SH3RF3: variants seen among roughly 807,000 people sequenced by gnomAD.
SH3RF3 encodes SH3 domain containing ring finger 3, also known as E3 ubiquitin-protein ligase SH3RF3.
Under a neutral mutation model 66.3 loss-of-function variants are expected in SH3RF3, and 29 were observed. That is an observed-to-expected ratio of 0.44 (90% CI 0.33 to 0.60). The LOEUF (loss-of-function observed/expected upper bound fraction) is 0.60. SH3RF3 is among the 20% of genes least tolerant of loss of function. The pLI is 0.04. For missense variants in SH3RF3, 1,194 were observed against 1,190.9 expected, an observed-to-expected ratio of 1.00 and a Z score of -0.04; for synonymous variants, 583 against 532.0, an observed-to-expected ratio of 1.10 and a Z score of -1.32.
chr2:109,409,970 C>T (rs1676544107), intron 4 of SH3RF3, among the ~76,000 whole-genome samples: 1 of 152,164 alleles, frequency 6.6e-6, no homozygotes. Context: ...TTGGGGTCTT[C>T]ATCTGTTCCA....
Position 109,295,446 on chromosome 2 carries a change from C to T in SH3RF3, c.574-52228C>T, listed in dbSNP as rs73955511. On this transcript the variant is annotated intron_variant, in intron 1 of 9. Coordinates refer to ENST00000309415, the MANE Select transcript of SH3RF3 (RefSeq NM_001099289.3). ...AACTCAGGGCGGGAGCCGAGGGGCA[C>T]GCAGGGCAGGGAGAGGACCCTGGGA... 9.2e-3 allele frequency among the ~76,000 whole-genome samples: 1,402 copies of T among 152,294 alleles called. 25 individuals carry two copies. The highest frequency in any genetic ancestry group is 0.031 in the African/African-American group (1,304 of 41,544).
intron 1 of SH3RF3, among the ~76,000 whole-genome samples, chr2:109,271,864 C>G (rs913784829): frequency 6.6e-6 from 1 of 152,220 alleles, no homozygotes; most frequent in Non-Finnish European, 1.5e-5. Flanking sequence ...GTATTGAATG[C>G]GGCTAGAATC....
At chr2:109,375,722 G>A (rs140244508) in intron 3 of SH3RF3, among the ~76,000 whole-genome samples, 2 of 152,330 alleles carry the variant, frequency 1.3e-5, no homozygotes, top group South Asian at 2.1e-4. Flanking sequence ...GAGTGCCGGG[G>A]CTGAGCACCC....
intron 1 of SH3RF3, among the ~76,000 whole-genome samples, chr2:109,180,501 C>G (rs1316318238): frequency 6.6e-6 from 1 of 152,172 alleles, no homozygotes; most frequent in African/African-American, 2.4e-5. Context: ...CAAATCTCAT[C>G]TTGAATTGTA....
intron 1 of SH3RF3, among the ~76,000 whole-genome samples, chr2:109,303,117 C>T (rs542780189): frequency 3.0e-4 from 46 of 152,308 alleles, no homozygotes; most frequent in Non-Finnish European, 5.9e-4. Flanking sequence ...CTCAGGTGAT[C>T]CGTCCGCCTC....
intron 1 of SH3RF3, among the ~76,000 whole-genome samples, chr2:109,212,267 G>T (rs1251084657): frequency 6.6e-6 from 1 of 152,184 alleles, no homozygotes; most frequent in African/African-American, 2.4e-5. Context: ...AAATGAGGCT[G>T]CCCAGAAAAG....
chr2:109,163,905 A>G (rs1360183918), intron 1 of SH3RF3, among the ~76,000 whole-genome samples: 1 of 152,180 alleles, frequency 6.6e-6, no homozygotes, highest in Non-Finnish European at 1.5e-5. Flanking sequence ...ATGCACTTAG[A>G]GTTTGATAGA....
At chr2:109,293,037 A>G (rs74690198) in intron 1 of SH3RF3, among the ~76,000 whole-genome samples, 1 of 152,336 alleles carries the variant, frequency 6.6e-6, no homozygotes, top group East Asian at 1.9e-4. Flanking sequence ...CCAATTTGAC[A>G]TTTAAATGGC....
intron 1 of SH3RF3, among the ~76,000 whole-genome samples, chr2:109,241,910 G>A (rs548008179): frequency 6.6e-6 from 1 of 151,764 alleles, no homozygotes; most frequent in African/African-American, 2.4e-5. Flanking sequence ...GGACTACAGG[G>A]GCCCACCACC....
intron 1 of SH3RF3, among the ~76,000 whole-genome samples, chr2:109,231,108 T>G (rs923437827): frequency 1.3e-5 from 2 of 152,374 alleles, no homozygotes; most frequent in Middle Eastern, 3.4e-3. Flanking sequence ...GGAAGGAGGC[T>G]TAGGTGGCTT....
chr2:109,129,688 TCGC>T lies in SH3RF3; in HGVS notation c.149_151del (p.Ser50del). On this transcript the variant is annotated inframe_deletion, in exon 1 of 10. Transcript: ENST00000309415. Reference sequence around the variant, plus strand: ...GGCGGGCGAGGACATGGACGAGTCGTCGCTGCTGGACCTGCTGGAGTGCTCCGT... The same window carrying T: ...GGCGGGCGAGGACATGGACGAGTCGTTGCTGGACCTGCTGGAGTGCTCCGT... The T allele has an allele frequency of 2.0e-6, 3 of 1,525,738 alleles. No homozygotes were observed. Among genetic ancestry groups the T allele is most frequent in the Non-Finnish European group, 2.6e-6 (3 of 1,141,470 alleles). 94.5% of individuals were successfully genotyped at this position (1,525,738 alleles called of 1,614,324 possible). A position where few individuals can be genotyped will look rare whatever the true frequency, so the allele number is the denominator to read the frequency against.
chr2:109,145,563 T>C (rs1677074523), intron 1 of SH3RF3, among the ~76,000 whole-genome samples: 1 of 152,230 alleles, frequency 6.6e-6, no homozygotes, highest in Non-Finnish European at 1.5e-5. Context: ...ACCCCTAGGC[T>C]GTCCGGGGGG....
chr2:109,433,999 C>T (rs552425180), intron 6 of SH3RF3, among the ~76,000 whole-genome samples: 6 of 152,300 alleles, frequency 3.9e-5, no homozygotes, highest in African/African-American at 7.2e-5. Context: ...TGCGCAGCCC[C>T]GAAGAAGGTC....
At chr2:109,173,161 G>T (rs1317147577) in intron 1 of SH3RF3, among the ~76,000 whole-genome samples, 3 of 152,100 alleles carry the variant, frequency 2.0e-5, no homozygotes, top group Non-Finnish European at 4.4e-5. Context: ...TAGGGCTTTG[G>T]AATCTTTTTT....
intron 1 of SH3RF3, among the ~76,000 whole-genome samples, chr2:109,200,292 T>G (rs1265687954): frequency 1.3e-5 from 2 of 152,202 alleles, no homozygotes; most frequent in Non-Finnish European, 2.9e-5. Flanking sequence ...GGGCGTCTGT[T>G]TGCTCAGAGG....
chr2:109,401,804 C>CTTCT (rs1676324418), intron 4 of SH3RF3, among the ~76,000 whole-genome samples: 1 of 152,224 alleles, frequency 6.6e-6, no homozygotes, highest in Non-Finnish European at 1.5e-5. Flanking sequence ...CAGAGGGAAC[C>CTTCT]TTTCTAAGCT....
At chr2:109,243,902 G>T (rs778250034) in intron 1 of SH3RF3, among the ~76,000 whole-genome samples, 1 of 152,222 alleles carries the variant, frequency 6.6e-6, no homozygotes, top group Non-Finnish European at 1.5e-5. Context: ...AGTAGTGAGT[G>T]AGAGAGGCTT....
intron 1 of SH3RF3, among the ~76,000 whole-genome samples, chr2:109,285,890 G>T (rs1405714508): frequency 6.6e-6 from 1 of 152,182 alleles, no homozygotes; most frequent in East Asian, 1.9e-4. Context: ...CCCCCAGCGT[G>T]CCTCCTTCTA....
intron 1 of SH3RF3, among the ~76,000 whole-genome samples, chr2:109,246,687 C>T (rs932635247): frequency 2.0e-5 from 3 of 152,130 alleles, no homozygotes; most frequent in Non-Finnish European, 4.4e-5. Flanking sequence ...GTGGAATTGC[C>T]CTGGCTCGTC....
Sources: gnomAD v4.1 joint callset for allele counts (sites outside exome capture counted in the v4.1 genomes callset) on GRCh38, gnomAD v4.1.1 for gene constraint, MANE v1.5 for transcripts, NCBI Gene and HGNC (gene_info 2026-07-23, HGNC 2026-07-21) for gene names.